Variants in DNAH17 observed in about 807,000 individuals in gnomAD.
DNAH17 encodes axonemal beta dynein heavy chain 17.
In DNAH17, 376 loss-of-function variants were observed where a neutral mutation model predicts 485.6. The observed-to-expected ratio is 0.77, with a 90% CI of 0.71 to 0.84. DNAH17 has a LOEUF of 0.84. Ranked by LOEUF, DNAH17 falls within the 40% of genes least tolerant of loss-of-function variation. DNAH17 has a pLI of 0.00. For synonymous variants in DNAH17, 3,031 were observed against 2,405.9 expected, an observed-to-expected ratio of 1.26 and a Z score of -7.60; for missense variants, 6,370 against 5,839.3, an observed-to-expected ratio of 1.09 and a Z score of -2.96.
chr17:78,531,982 A>C (rs77203437), intron 20 of DNAH17, among the ~76,000 whole-genome samples: 1 of 152,300 alleles, frequency 6.6e-6, no homozygotes, highest in Admixed American at 6.5e-5. Flanking sequence ...GTGTGGTTTC[A>C]TATGCAAATG....
chr17:78,552,726 G>A lies in DNAH17; in HGVS notation c.2258C>T (p.Ala753Val), dbSNP rs2091931258. 3 of 1,613,908 alleles carry A rather than the reference G, an allele frequency of 1.9e-6. No homozygotes were observed. The highest frequency in any genetic ancestry group is 1.6e-4 in the Middle Eastern group (1 of 6,062). ...LEAIDVKLLS[A>V]ETTLFWNGEG... ...GCCATTCCAGAATAATGTCGTTTCAGCGCTCAATAACTTGACATCAATTGC... is the reference window on the plus strand; with the variant it reads ...GCCATTCCAGAATAATGTCGTTTCAACGCTCAATAACTTGACATCAATTGC... Residue 753 changes from alanine (A) to valine (V), a missense_variant, in exon 15 of 81, where the codon GCT becomes GTT. Transcript: ENST00000389840.
intron 16 of DNAH17, among the ~76,000 whole-genome samples, chr17:78,549,734 G>A (rs1017877461): frequency 2.6e-5 from 4 of 152,132 alleles, no homozygotes; most frequent in Non-Finnish European, 5.9e-5. Context: ...GTCAAGCTGG[G>A]GCCTCAGGGG....
At chr17:78,516,239 A>G (rs1048200115) in intron 25 of DNAH17, among the ~76,000 whole-genome samples, 2 of 152,186 alleles carry the variant, frequency 1.3e-5, no homozygotes, top group African/African-American at 4.8e-5. Flanking sequence ...TGTGTTTTGG[A>G]GAGTTTTTCT....
chr17:78,485,415 A>C, intron 47 of DNAH17, 135 bp downstream of exon 47: 7 of 859,694 alleles, frequency 8.1e-6, no homozygotes, highest in Non-Finnish European at 1.2e-5. Flanking sequence ...AGGAAAGGCC[A>C]GCGGGTGGGG....
At chr17:78,526,552 G>A (rs775858193) in intron 24 of DNAH17, 99 bp downstream of exon 24, 34 of 1,057,512 alleles carry the variant, frequency 3.2e-5, no homozygotes, top group African/African-American at 4.8e-5. Context: ...TCAGTCCGGC[G>A]GAGACCACGT....
intron 57 of DNAH17, among the ~76,000 whole-genome samples, chr17:78,462,465 G>C (rs1227383641): frequency 1.3e-5 from 2 of 152,146 alleles, no homozygotes; most frequent in Non-Finnish European, 2.9e-5. Flanking sequence ...ATACGGTGTG[G>C]AGGAAAGGAT....
intron 23 of DNAH17, 48 bp from the exon 24 acceptor site, chr17:78,526,785 G>A (rs781029158): frequency 1.3e-6 from 2 of 1,564,768 alleles, no homozygotes; most frequent in Non-Finnish European, 1.7e-6. Flanking sequence ...GCGGCCACCT[G>A]CCCCAAGGGT....
At chr17:78,572,000 G>A (rs1481927682) in intron 3 of DNAH17, among the ~76,000 whole-genome samples, 1 of 152,202 alleles carries the variant, frequency 6.6e-6, no homozygotes, top group African/African-American at 2.4e-5. Context: ...GGCGTGGTCA[G>A]AGATACCAGG....
chr17:78,461,561 C>A lies in DNAH17; in HGVS notation c.9322G>T (p.Val3108Phe), dbSNP rs36082924. ...KAIADQEEVKVEVINKNVTEK... is the reference protein window; with the variant it reads ...KAIADQEEVKFEVINKNVTEK... The stretch of plus-strand genomic sequence containing the variant: ...TCACCTACCTTATTGATGACCTCGA[C>A]CTTGACTTCTTCCTGGTCAGCAATG... Residue 3108 changes from valine to phenylalanine, a missense_variant, in exon 58 of 81, where the codon GTC (valine) becomes TTC (phenylalanine). Transcript: ENST00000389840. 6.3e-7 allele frequency: 1 copy of A among 1,598,164 alleles called. No homozygotes were observed. The highest frequency in any genetic ancestry group is 8.5e-7 in the Non-Finnish European group (1 of 1,173,470).
At chr17:78,543,666 C>A in intron 17 of DNAH17, 191 bp downstream of exon 17, 2 of 780,860 alleles carry the variant, frequency 2.6e-6, no homozygotes, top group Non-Finnish European at 4.3e-6. Flanking sequence ...ATTAGGTGAT[C>A]CGCCCGACTC....
intron 60 of DNAH17, 29 bp downstream of exon 60, chr17:78,459,755 C>T: frequency 5.6e-6 from 9 of 1,612,274 alleles, no homozygotes; most frequent in Non-Finnish European, 6.8e-6. Context: ...GGAGGGAAGC[C>T]CCGGCTACGA....
intron 17 of DNAH17, among the ~76,000 whole-genome samples, chr17:78,540,228 G>A (rs2091485345): frequency 8.7e-6 from 1 of 115,160 alleles, no homozygotes; most frequent in Non-Finnish European, 1.9e-5. Flanking sequence ...TTTGTCTTTG[G>A]TCTGCATGCC....
chr17:78,500,253 T>G (rs759031510), intron 36 of DNAH17, 52 bp downstream of exon 36: 10 of 1,550,546 alleles, frequency 6.4e-6, no homozygotes, highest in African/African-American at 1.4e-5. Context: ...TGCTAGGATC[T>G]GCTTCTATAA....
Position 78,482,071 on chromosome 17 carries a change from T to C in DNAH17, c.7650-1285A>G, listed in dbSNP as rs971735129. Among the ~76,000 whole-genome samples the C allele has an allele frequency of 8.8e-3, 116 of 13,108 alleles. 1 individual carries two copies. The highest frequency in any genetic ancestry group is 0.027 in the Admixed American group (24 of 884). 8.6% of individuals were successfully genotyped at this position (13,108 alleles called of 152,430 possible). The stretch of plus-strand genomic sequence containing the variant: ...CTTGATGTCACACTACACTAGTTAC[T>C]TTTTTTTTTTTTTTTTTTTCCCCCG... On this transcript the variant is annotated intron_variant, in intron 48 of 80. Coordinates refer to ENST00000389840, the MANE Select transcript of DNAH17 (RefSeq NM_173628.4).
chr17:78,499,156 A>G, intron 36 of DNAH17, 44 bp from the exon 37 acceptor site: 1 of 1,218,636 alleles, frequency 8.2e-7, no homozygotes, highest in Non-Finnish European at 1.1e-6. Flanking sequence ...GGAGGGTGAC[A>G]GGGAGGGCGG....
intron 13 of DNAH17, among the ~76,000 whole-genome samples, chr17:78,560,515 G>A (rs1051180471): frequency 6.6e-6 from 1 of 152,084 alleles, no homozygotes; most frequent in African/African-American, 2.4e-5. Context: ...TTTCTTCTTG[G>A]GATCACAGGA....
rs1346559589 is a variant in DNAH17 at position 78,574,784 on chromosome 17, A to G, written c.274T>C (p.Tyr92His). 2 of 1,613,912 alleles carry G rather than the reference A, an allele frequency of 1.2e-6. No individual in the cohort carries two copies. Among genetic ancestry groups the G allele is most frequent in the South Asian group, 2.2e-5 (2 of 91,074 alleles). Residue 92 changes from tyrosine (Y) to histidine (H), a missense_variant, in exon 2 of 81, where the codon TAC (tyrosine) becomes CAC (histidine). By Grantham distance (83) the Tyr-to-His change is moderately conservative. Transcript: ENST00000389840. Reference protein sequence around the residue: ...TKSENINKDNYRARLLYGDIS... With the variant: ...TKSENINKDNHRARLLYGDIS... ...TCGCCGTAAAGGAGCCGGGCCCTGT[A>G]GTTGTCCTTGTTGATGTTCTCGGAC...
At chr17:78,482,915 G>A (rs773656698) in intron 48 of DNAH17, among the ~76,000 whole-genome samples, 15 of 152,158 alleles carry the variant, frequency 9.9e-5, no homozygotes. Flanking sequence ...TCCTCCTTGA[G>A]GAAAAGAAAG....
chr17:78,488,439 G>T (rs999482619), intron 44 of DNAH17, among the ~76,000 whole-genome samples: 1 of 152,190 alleles, frequency 6.6e-6, no homozygotes, highest in African/African-American at 2.4e-5. Flanking sequence ...GAGGTGTCCA[G>T]TTCCTGCCTT....
Sources: allele counts gnomAD v4.1 joint callset (sites outside exome capture counted in the v4.1 genomes callset), GRCh38; gene constraint gnomAD v4.1.1; transcripts MANE v1.5; gene names NCBI Gene and HGNC (gene_info 2026-07-23, HGNC 2026-07-21).